The following DNAJC21 variants were observed in gnomAD, a reference collection of about 807,000 sequenced individuals.
The protein encoded by DNAJC21 is dnaJ homolog subfamily C member 21.
Under a neutral mutation model 72.4 loss-of-function variants are expected in DNAJC21, and 63 were observed. That is an observed-to-expected ratio of 0.87 (90% confidence interval 0.71 to 1.07). DNAJC21 has a LOEUF of 1.07. Ranked by LOEUF, DNAJC21 falls within the 50% of genes least tolerant of loss-of-function variation. The pLI, the probability that DNAJC21 is intolerant of heterozygous loss-of-function variation, is 0.00. For missense variants in DNAJC21, 634 were observed against 644.8 expected (o/e 0.98, Z 0.18); for synonymous variants, 203 against 216.7 (o/e 0.94, Z 0.56).
intron 2 of DNAJC21, among the ~76,000 whole-genome samples, chr5:34,934,551 G>C (rs1314192768): frequency 2.6e-5 from 4 of 152,014 alleles, no homozygotes; most frequent in African/African-American, 9.7e-5. Context: ...TTTAATACAA[G>C]AATGGTAATC....
At chr5:34,949,659 G>C in intron 9 of DNAJC21, 1 of 1,613,704 alleles carries the variant, frequency 6.2e-7, no homozygotes. Flanking sequence ...GTGCCAAAAT[G>C]TTGCTTGAAA....
rs1467221065 is a variant in DNAJC21, at chr5:34,929,727, G to GACT, written c.-92_-90dup. ...CGGGCGGCGGACTCCCGCCGGAGAG[G>GACT]ACTGCCAGCGCCGCCGCCGCCGCCG... On this transcript the variant is annotated 5_prime_UTR_variant, in exon 1 of 12. Coordinates refer to ENST00000648817, the MANE Select transcript of DNAJC21 (RefSeq NM_001012339.3). The GACT allele has an allele frequency of 2.0e-6, 1 of 497,084 alleles. No individual in the cohort carries two copies. Among genetic ancestry groups the GACT allele is most frequent in the Non-Finnish European group, 2.7e-6 (1 of 375,480 alleles). 30.8% of individuals were successfully genotyped at this position (497,084 alleles called of 1,614,324 possible).
chr5:34,941,458 A>G (rs918162693), intron 7 of DNAJC21, among the ~76,000 whole-genome samples: 5 of 151,910 alleles, frequency 3.3e-5, no homozygotes, highest in Admixed American at 2.0e-4. Flanking sequence ...CCTGGATTCA[A>G]GTGTTCCACC....
chr5:34,938,035 C>T (rs1188659031), intron 5 of DNAJC21, among the ~76,000 whole-genome samples: 1 of 151,984 alleles, frequency 6.6e-6, no homozygotes, highest in African/African-American at 2.4e-5. Context: ...TGGCCTCAAG[C>T]GATCTGCCCG....
intron 9 of DNAJC21, among the ~76,000 whole-genome samples, chr5:34,947,612 G>A (rs1765212369): frequency 6.7e-6 from 1 of 149,912 alleles, no homozygotes; most frequent in Non-Finnish European, 1.5e-5. Flanking sequence ...ATGATTCAAG[G>A]AGAGGATCCA....
In DNAJC21 at chr5:34,944,936, GGAA is replaced by G. The variant is rs867520928; in HGVS notation, c.1060_1062del (p.Glu354del). Reference sequence around the variant, plus strand: ...CCTTGCTAAAACAACAGCTGGAGGAGGAAGAAGAAAATTTTTCAAGACCTCAAA... The same window carrying G: ...CCTTGCTAAAACAACAGCTGGAGGAGGAAGAAAATTTTTCAAGACCTCAAA... On this transcript the variant is annotated inframe_deletion, in exon 8 of 12. Coordinates refer to ENST00000648817, the MANE Select transcript of DNAJC21 (RefSeq NM_001012339.3). 1 of 1,613,930 alleles carries G rather than the reference GGAA, an allele frequency of 6.2e-7. No individual in the cohort carries two copies. Among genetic ancestry groups the G allele is most frequent in the Admixed American group, 1.7e-5 (1 of 59,988 alleles).
At chr5:34,953,604 C>T in intron 10 of DNAJC21, 1 of 189,308 alleles carries the variant, frequency 5.3e-6, no homozygotes, top group Non-Finnish European at 1.1e-5. Context: ...CTGTATAAAA[C>T]ACTGTATTAA....
At chr5:34,936,116 A>G in intron 3 of DNAJC21, 28 bp from the exon 4 acceptor site, 1 of 1,591,734 alleles carries the variant, frequency 6.3e-7, no homozygotes, top group South Asian at 1.2e-5. Context: ...AAAAGTATTA[A>G]GAATTTGTTT....
chr5:34,948,063 A>T (rs981212635), intron 9 of DNAJC21, among the ~76,000 whole-genome samples: 1 of 152,234 alleles, frequency 6.6e-6, no homozygotes, highest in African/African-American at 2.4e-5. Context: ...AAAAGGAATT[A>T]AATGAATAAA....
intron 11 of DNAJC21, 119 bp from the exon 12 acceptor site, chr5:34,954,434 A>T: frequency 8.2e-7 from 1 of 1,226,658 alleles, no homozygotes; most frequent in Non-Finnish European, 1.1e-6. Context: ...TTACCTGTCC[A>T]CTCTGTTAAA....
intron 4 of DNAJC21, 41 bp from the exon 5 acceptor site, chr5:34,937,285 A>G (rs1247577295): frequency 6.4e-7 from 1 of 1,552,510 alleles, no homozygotes; most frequent in Non-Finnish European, 8.7e-7. Context: ...CTAAAAAAAA[A>G]TCTTAAAGCG....
chr5:34,929,991 G>C, intron 1 of DNAJC21, 75 bp downstream of exon 1: 1 of 1,213,112 alleles, frequency 8.2e-7, no homozygotes, highest in African/African-American at 1.6e-5. Context: ...TCCCCCGGGC[G>C]GACTCCGCGG....
intron 11 of DNAJC21, chr5:34,954,281 G>T: frequency 2.1e-6 from 1 of 469,412 alleles, no homozygotes; most frequent in Non-Finnish European, 3.7e-6. Context: ...TCAAGTTCTG[G>T]AGATTAATTG....
Position 34,941,027 on chromosome 5 carries a change from AT to A in DNAJC21, c.896-66del, listed in dbSNP as rs894105482. The A allele has an allele frequency of 9.6e-6, 12 of 1,250,792 alleles. No homozygotes were observed. The African/African-American group carries it at 1.8e-4, about 19-fold the overall frequency. 77.5% of individuals were successfully genotyped at this position (1,250,792 alleles called of 1,614,324 possible). ...AAGAAATAAAAAAATTTAATTTCTA[AT>A]TTGTTAGCATATTTTAGATTTGTGC... On this transcript the variant is annotated intron_variant, in intron 6 of 11. Coordinates refer to ENST00000648817, the MANE Select transcript of DNAJC21 (RefSeq NM_001012339.3).
chr5:34,929,826 T>A lies in DNAJC21; in HGVS notation c.7T>A (p.Cys3Ser). Residue 3 changes from cysteine to serine, a missense_variant, in exon 1 of 12, where the codon TGT becomes AGT. Cys to Ser is a moderately radical substitution (Grantham distance 112). Coordinates refer to ENST00000648817, the MANE Select transcript of DNAJC21 (RefSeq NM_001012339.3). MK[C>S]HYEALGVRRD... Reference sequence around the variant, plus strand: ...CCGCCCGCCCGGTCGGGCGATGAAGTGTCACTATGAGGCGCTGGGGGTGCG... The same window carrying A: ...CCGCCCGCCCGGTCGGGCGATGAAGAGTCACTATGAGGCGCTGGGGGTGCG... 1 of 1,510,806 alleles carries A rather than the reference T, an allele frequency of 6.6e-7. No individual in the cohort carries two copies. 93.6% of individuals were successfully genotyped at this position (1,510,806 alleles called of 1,614,324 possible).
chr5:34,953,944 A>G lies in DNAJC21; in HGVS notation c.1377A>G (p.Gly459=). The G allele has an allele frequency of 4.3e-6, 7 of 1,611,590 alleles. No individual in the cohort carries two copies. In the South Asian group the frequency reaches 4.4e-5, roughly 10 times the overall value. ...TTTCCAGTGTTCCTAAACCCAAAGG[A>G]AAGAAAACCAAAGATATGAAAAAAC... ...SEAKSVPKPK[G]KKTKDMKKPV... Residue 459 remains glycine (G), a synonymous_variant, in exon 11 of 12, where the codon GGA becomes GGG. Coordinates refer to ENST00000648817, the MANE Select transcript of DNAJC21 (RefSeq NM_001012339.3).
chr5:34,943,654 C>G (rs1765074152), intron 7 of DNAJC21, among the ~76,000 whole-genome samples: 1 of 152,180 alleles, frequency 6.6e-6, no homozygotes, highest in Non-Finnish European at 1.5e-5. Context: ...GCTTTAGCAT[C>G]TGTTGATGGT....
chr5:34,943,265 G>A (rs942778792), intron 7 of DNAJC21, among the ~76,000 whole-genome samples: 7 of 152,196 alleles, frequency 4.6e-5, no homozygotes, highest in Non-Finnish European at 8.8e-5. Flanking sequence ...GGAACAGCTT[G>A]TGTTGTCTTT....
chr5:34,945,681 T>TA (rs781000708), intron 8 of DNAJC21, 80 bp from the exon 9 acceptor site: 2 of 1,256,920 alleles, frequency 1.6e-6, no homozygotes, highest in Admixed American at 2.5e-5. Context: ...ACTTTATCAC[T>TA]AGTGTTTCAA....
Sources: gnomAD v4.1 joint callset for allele counts (sites outside exome capture counted in the v4.1 genomes callset) on GRCh38, gnomAD v4.1.1 for gene constraint, MANE v1.5 for transcripts, NCBI Gene and HGNC (gene_info 2026-07-23, HGNC 2026-07-21) for gene names.